GSE1: variants seen among roughly 807,000 people sequenced by gnomAD.
GSE1 encodes genetic suppressor element 1.
Under a neutral mutation model 112.6 loss-of-function variants are expected in GSE1, and 32 were observed. That is an observed-to-expected ratio of 0.28 (90% CI 0.21 to 0.38). The LOEUF is 0.38. GSE1 is among the 10% of genes least tolerant of loss of function. The probability of loss-of-function intolerance (pLI) is 1.00; values close to 1 mark genes in which losing one functional copy is unlikely to be tolerated. For missense variants in GSE1, 2,348 were observed against 1,699.2 expected (o/e 1.38, Z -6.71); for synonymous variants, 1,115 against 735.6 (o/e 1.52, Z -8.35).
chr16:85,379,551 C>G (rs1035184388), intron 2 of GSE1, among the ~76,000 whole-genome samples: 1 of 152,212 alleles, frequency 6.6e-6, no homozygotes, highest in Non-Finnish European at 1.5e-5. Context: ...CAGCTCAGGT[C>G]TCCTGGGACC....
rs371951850 is a variant in GSE1, at chr16:85,633,921, C to T, written c.15C>T (p.Ser5=). The change falls in exon 2 of 16, where the codon AGC becomes AGT. Residue 5 remains serine (S), a synonymous_variant. Coordinates refer to ENST00000253458, the MANE Select transcript of GSE1 (RefSeq NM_014615.5). MKGM[S]HEPKSPSLGM... ...CTTCTTTTCCTGTTTCAGGCATGAG[C>T]CATGAGCCCAAGTCCCCTTCGCTAG... is the stretch of plus-strand genomic sequence containing the variant. The T allele has an allele frequency of 2.5e-6, 4 of 1,609,734 alleles. No individual in the cohort carries two copies. Among genetic ancestry groups the T allele is most frequent in the African/African-American group, 1.3e-5 (1 of 74,658 alleles).
rs2050931452 is a variant in GSE1 at position 85,489,120 on chromosome 16, G to A, written c.2464+131477G>A. Reference sequence around the variant, plus strand: ...GTGTGCTACCAATGAGCTACCCACAGCCTGGGCAACGCAGGAATGGAATTT... The same window carrying A: ...GTGTGCTACCAATGAGCTACCCACAACCTGGGCAACGCAGGAATGGAATTT... On this transcript the variant is annotated intron_variant, in intron 2 of 2. Coordinates refer to the GSE1 transcript ENST00000637419. Among the ~76,000 whole-genome samples, 3 of 152,204 alleles carry A rather than the reference G, an allele frequency of 2.0e-5. No individual in the cohort carries two copies. The South Asian group carries it at 6.2e-4, about 32-fold the overall frequency.
intron 1 of GSE1, among the ~76,000 whole-genome samples, chr16:85,292,969 C>T (rs936417984): frequency 6.6e-5 from 10 of 152,146 alleles, no homozygotes; most frequent in Admixed American, 5.9e-4. Flanking sequence ...ATTATACATA[C>T]AATACAAGCC....
intron 2 of GSE1, among the ~76,000 whole-genome samples, chr16:85,446,299 T>A (rs755462900): frequency 2.6e-5 from 4 of 152,192 alleles, no homozygotes; most frequent in Non-Finnish European, 4.4e-5. Context: ...TACCTCATGG[T>A]CTCTCAGCTG....
intron 2 of GSE1, among the ~76,000 whole-genome samples, chr16:85,372,541 G>A (rs935618362): frequency 1.3e-5 from 2 of 149,438 alleles, no homozygotes; most frequent in Non-Finnish European, 3.0e-5. Context: ...GCACACATTA[G>A]CAAGTAGTGC....
At chr16:85,427,906 T>TA (rs1268077036) in intron 2 of GSE1, among the ~76,000 whole-genome samples, 2 of 152,250 alleles carry the variant, frequency 1.3e-5, no homozygotes, top group African/African-American at 2.4e-5. Flanking sequence ...TGGACAATAT[T>TA]AAAAAATATC....
intron 1 of GSE1, among the ~76,000 whole-genome samples, chr16:85,331,659 ATATGTG>A (rs1224387721): frequency 4.2e-5 from 2 of 47,856 alleles, no homozygotes; most frequent in South Asian, 7.9e-4. Context: ...ATATATGTGT[ATATGTG>A]TGTGTGTGTG....
intron 1 of GSE1, among the ~76,000 whole-genome samples, chr16:85,572,069 C>T (rs1465472039): frequency 1.3e-5 from 2 of 151,110 alleles, no homozygotes; most frequent in East Asian, 1.9e-4. Flanking sequence ...ACCATACACA[C>T]AACCACACCC....
intron 2 of GSE1, among the ~76,000 whole-genome samples, chr16:85,636,484 C>T (rs2050007989): frequency 6.6e-6 from 1 of 152,216 alleles, no homozygotes; most frequent in African/African-American, 2.4e-5. Context: ...TTCCTCGTGA[C>T]CTCAGCCACT....
intron 1 of GSE1, among the ~76,000 whole-genome samples, chr16:85,186,364 C>T (rs549628192): frequency 7.9e-5 from 12 of 152,060 alleles, no homozygotes; most frequent in Non-Finnish European, 1.3e-4. Flanking sequence ...CAGCATTTTA[C>T]GAGGCCGAGG....
intron 1 of GSE1, among the ~76,000 whole-genome samples, chr16:85,214,739 C>T (rs891395874): frequency 5.9e-5 from 9 of 152,194 alleles, no homozygotes; most frequent in African/African-American, 1.2e-4. Context: ...GCGACTAGAG[C>T]CTCCTCTGCA....
chr16:85,374,188 C>G (rs182379040), intron 2 of GSE1, among the ~76,000 whole-genome samples: 4 of 121,252 alleles, frequency 3.3e-5, no homozygotes, highest in Admixed American at 2.5e-4. Context: ...CAGTGTGCCT[C>G]TGTGTGTTCA....
intron 12 of GSE1, among the ~76,000 whole-genome samples, chr16:85,665,385 A>G (rs1022239033): frequency 7.9e-5 from 12 of 152,240 alleles, no homozygotes; most frequent in Admixed American, 7.8e-4. Context: ...CTATGGTCGT[A>G]GTAACCGTTG....
upstream of GSE1, among the ~76,000 whole-genome samples, chr16:85,609,586 C>A (rs559063246): frequency 2.5e-4 from 38 of 152,312 alleles, no homozygotes; most frequent in African/African-American, 6.7e-4. Flanking sequence ...CTCCAGACAC[C>A]CCTCTTAGTT....
chr16:85,263,705 T>A (rs1907946690), intron 1 of GSE1, among the ~76,000 whole-genome samples: 1 of 152,028 alleles, frequency 6.6e-6, no homozygotes, highest in African/African-American at 2.4e-5. Flanking sequence ...CCCAAGTAGC[T>A]GGGATTACAG....
chr16:85,293,893 A>G (rs932033036), intron 1 of GSE1, among the ~76,000 whole-genome samples: 1 of 152,174 alleles, frequency 6.6e-6, no homozygotes, highest in Admixed American at 6.5e-5. Flanking sequence ...TCATCTGGTC[A>G]TAATTACATC....
chr16:85,367,270 C>T (rs915449086), intron 2 of GSE1, among the ~76,000 whole-genome samples: 4 of 152,220 alleles, frequency 2.6e-5, no homozygotes, highest in Non-Finnish European at 4.4e-5. Flanking sequence ...TTCACCACGG[C>T]TCCGATCTGA....
chr16:85,609,900 G>A (rs1391312202), upstream of GSE1, among the ~76,000 whole-genome samples: 1 of 152,120 alleles, frequency 6.6e-6, no homozygotes, highest in Non-Finnish European at 1.5e-5. Flanking sequence ...CAAGCAATAT[G>A]CCTATCTTGG....
chr16:85,508,648 C>T (rs571620630), intron 2 of GSE1, among the ~76,000 whole-genome samples: 1 of 152,306 alleles, frequency 6.6e-6, no homozygotes, highest in South Asian at 2.1e-4. Context: ...CTCGTGGACA[C>T]GTGGCAATAG....
Sources: allele counts gnomAD v4.1 joint callset (sites outside exome capture counted in the v4.1 genomes callset), GRCh38; gene constraint gnomAD v4.1.1; transcripts MANE v1.5; gene names NCBI Gene and HGNC (gene_info 2026-07-23, HGNC 2026-07-21).